Variants in CBL observed in about 807,000 individuals in gnomAD.
CBL encodes E3 ubiquitin-protein ligase CBL.
Under a neutral mutation model 96.9 loss-of-function variants are expected in CBL, and 45 were observed. That is an observed-to-expected ratio of 0.46 (90% CI 0.37 to 0.60). The LOEUF is 0.60. Ranked by LOEUF, CBL falls within the 20% of genes least tolerant of loss-of-function variation. CBL has a pLI of 0.00. For synonymous variants in CBL, 420 were observed against 426.8 expected (o/e 0.98, Z 0.20); for missense variants, 1,024 against 1,143.5 (o/e 0.90, Z 1.51).
chr11:119,291,384 CAAAA>C (rs1950025998), intron 12 of CBL, among the ~76,000 whole-genome samples: 1 of 152,038 alleles, frequency 6.6e-6, no homozygotes, highest in Non-Finnish European at 1.5e-5. Context: ...GACCCTGTCT[CAAAA>C]AAATAAAATT....
At chr11:119,209,604 G>A (rs1050642963) in intron 1 of CBL, among the ~76,000 whole-genome samples, 1 of 151,000 alleles carries the variant, frequency 6.6e-6, no homozygotes, top group Admixed American at 6.6e-5. Context: ...GCGACAGAGT[G>A]AGACTCCGTC....
chr11:119,277,612 A>ATT, intron 6 of CBL, 145 bp from the exon 7 acceptor site: 2 of 574,314 alleles, frequency 3.5e-6, no homozygotes, highest in Non-Finnish European at 6.4e-6. Flanking sequence ...TTTTGGAAGT[A>ATT]TTTTTTTTTT....
rs573306787 is a variant in CBL, at chr11:119,275,739, G to A, written c.870-258G>A. On this transcript the variant is annotated intron_variant, in intron 5 of 15. Coordinates refer to ENST00000264033, the MANE Select transcript of CBL (RefSeq NM_005188.4). ...TTAGCCAGGTGTGGTGGCACATACT[G>A]TAGTCCCAGCTACTCAGGAGGCTGA... 1.6e-3 allele frequency among the ~76,000 whole-genome samples: 242 copies of A among 152,078 alleles called. 1 individual carries two copies. Among genetic ancestry groups the A allele is most frequent in the Non-Finnish European group, 3.1e-4 (21 of 67,998 alleles).
chr11:119,245,894 A>G (rs1394188096), intron 2 of CBL, among the ~76,000 whole-genome samples: 2 of 146,752 alleles, frequency 1.4e-5, no homozygotes, highest in East Asian at 2.0e-4. Flanking sequence ...TAAATTAACT[A>G]GTCTTTGGTA....
chr11:119,276,292 TTTTG>T (rs1173463260), intron 6 of CBL, among the ~76,000 whole-genome samples, 158 bp downstream of exon 6: 1 of 152,198 alleles, frequency 6.6e-6, no homozygotes, highest in Non-Finnish European at 1.5e-5. Flanking sequence ...CCTGGAAGAC[TTTTG>T]TTTTTCTTTT....
chr11:119,279,488 C>A (rs1949916137), intron 9 of CBL, among the ~76,000 whole-genome samples: 1 of 123,708 alleles, frequency 8.1e-6, no homozygotes, highest in African/African-American at 4.0e-5. Flanking sequence ...CCCATGCCCC[C>A]CCCTAAAAAA....
intron 2 of CBL, among the ~76,000 whole-genome samples, chr11:119,238,274 A>C (rs1016036997): frequency 4.0e-5 from 6 of 150,960 alleles, no homozygotes; most frequent in African/African-American, 1.2e-4. Context: ...AGGCTGGAGT[A>C]CAGTGGCATG....
At chr11:119,240,865 G>T (rs1310476140) in intron 2 of CBL, among the ~76,000 whole-genome samples, 1 of 152,070 alleles carries the variant, frequency 6.6e-6, no homozygotes, top group Non-Finnish European at 1.5e-5. Flanking sequence ...CTGAGGTCAG[G>T]AGTTCAAGAC....
chr11:119,294,796 G>GAA (rs11415377), intron 12 of CBL, among the ~76,000 whole-genome samples: 152 of 144,068 alleles, frequency 1.1e-3, no homozygotes, highest in East Asian at 7.9e-3. Context: ...TCTCAAAAAG[G>GAA]AAAAAAAAAA....
chr11:119,274,006 C>T lies in CBL; in HGVS notation c.729C>T (p.Ile243=), dbSNP rs890444225. ...NDYISVFEFD[I]FTRLFQPWSS... is the part of the protein sequence containing the mutation. Reference sequence around the variant, plus strand: ...ATATTTCGGTTTTTGAATTTGACATCTTTACCCGACTCTTTCAGGTAGGAC... The same window carrying T: ...ATATTTCGGTTTTTGAATTTGACATTTTTACCCGACTCTTTCAGGTAGGAC... The change falls in exon 4 of 16, where the codon ATC becomes ATT. Residue 243 remains isoleucine, a synonymous_variant. Coordinates refer to ENST00000264033, the MANE Select transcript of CBL (RefSeq NM_005188.4). 12 of 1,612,196 alleles carry T rather than the reference C, an allele frequency of 7.4e-6. No homozygotes were observed. Among genetic ancestry groups the T allele is most frequent in the Non-Finnish European group, 1.0e-5 (12 of 1,179,248 alleles).
intron 1 of CBL, among the ~76,000 whole-genome samples, chr11:119,225,737 T>TTC (rs1016545925): frequency 6.8e-6 from 1 of 147,260 alleles, no homozygotes; most frequent in Admixed American, 6.7e-5. Flanking sequence ...TTTTTTTTTT[T>TTC]TTTTTTTGAG....
intron 2 of CBL, among the ~76,000 whole-genome samples, chr11:119,270,531 C>T (rs2135295799): frequency 7.3e-6 from 1 of 137,584 alleles, no homozygotes; most frequent in South Asian, 2.4e-4. Flanking sequence ...ACTGCAAGCT[C>T]CGCCTCCCGG....
rs145678003 is a variant in CBL, at chr11:119,275,386, C to T, written c.869+433C>T. Reference sequence around the variant, plus strand: ...CTGGGAGGTGGAGGTTGCAGTGAGCCGAGATCATGTCATTGCACTCTAGCC... The same window carrying T: ...CTGGGAGGTGGAGGTTGCAGTGAGCTGAGATCATGTCATTGCACTCTAGCC... On this transcript the variant is annotated intron_variant, in intron 5 of 15. Coordinates refer to ENST00000264033, the MANE Select transcript of CBL (RefSeq NM_005188.4). 2.3e-4 allele frequency among the ~76,000 whole-genome samples: 35 copies of T among 150,578 alleles called. No individual in the cohort carries two copies. In the East Asian group the frequency reaches 4.2e-3, roughly 18 times the overall value.
In CBL at chr11:119,274,910, G is replaced by A. The variant is rs755244263; in HGVS notation, c.826G>A (p.Glu276Lys). 4 of 1,613,970 alleles carry A rather than the reference G, an allele frequency of 2.5e-6. No individual in the cohort carries two copies. Among genetic ancestry groups the A allele is most frequent in the Admixed American group, 3.3e-5 (2 of 60,002 alleles). ...CTACATGGCTTTTTTGACGTATGACGAAGTGAAAGCTCGGCTCCAGAAATT... is the reference window on the plus strand; with the variant it reads ...CTACATGGCTTTTTTGACGTATGACAAAGTGAAAGCTCGGCTCCAGAAATT... Reference protein sequence around the residue: ...PGYMAFLTYDEVKARLQKFIH... With the variant: ...PGYMAFLTYDKVKARLQKFIH... Residue 276 changes from glutamate to lysine, a missense_variant, in exon 5 of 16, where the codon GAA becomes AAA. This residue lies in a region of CBL where 192 missense variants were observed against 321.8 expected (regional missense o/e 0.60). Transcript: ENST00000264033.
intron 2 of CBL, among the ~76,000 whole-genome samples, chr11:119,253,865 T>C (rs571496456): frequency 1.3e-4 from 19 of 148,900 alleles, no homozygotes; most frequent in African/African-American, 4.0e-4. Flanking sequence ...AAAACAAAAA[T>C]ATCATCAGCC....
chr11:119,260,665 T>C (rs1949747523), intron 2 of CBL, among the ~76,000 whole-genome samples: 1 of 152,162 alleles, frequency 6.6e-6, no homozygotes, highest in African/African-American at 2.4e-5. Flanking sequence ...TCTTACTCAG[T>C]CATACTCTTG....
chr11:119,254,753 C>T (rs1283184753), intron 2 of CBL, among the ~76,000 whole-genome samples: 3 of 152,086 alleles, frequency 2.0e-5, no homozygotes, highest in Non-Finnish European at 4.4e-5. Flanking sequence ...AGGTGTGCAC[C>T]ACCACGCCCA....
At chr11:119,207,816 T>G (rs1032185579) in intron 1 of CBL, among the ~76,000 whole-genome samples, 2 of 152,228 alleles carry the variant, frequency 1.3e-5, no homozygotes, top group Admixed American at 1.3e-4. Context: ...TGGTTTTCTT[T>G]GGTTCCTCCC....
Position 119,264,388 on chromosome 11 carries a change from T to TTTCTTTTCTCTTCTCTTCTCTTCTC in CBL, c.444-7343_444-7342insTTTCTCTTCTCTTCTCTTCTCTTCT, listed in dbSNP as rs1555228856. ...TCTTTTATTATGATCTTTCTTTTCT[T>TTTCTTTTCTCTTCTCTTCTCTTCTC]TTCTCTTCTCTTCTCTTCTCTTCTC... On this transcript the variant is annotated intron_variant, in intron 2 of 15. Coordinates refer to ENST00000264033, the MANE Select transcript of CBL (RefSeq NM_005188.4). Among the ~76,000 whole-genome samples the TTTCTTTTCTCTTCTCTTCTCTTCTC allele has an allele frequency of 4.5e-5, 6 of 133,776 alleles. No homozygotes were observed. The South Asian group carries it at 1.2e-3, about 26-fold the overall frequency. The allele number at this position is 133,776 out of a possible 152,430, so 87.8% of individuals were successfully genotyped here.
Sources: gnomAD v4.1 joint callset for allele counts (sites outside exome capture counted in the v4.1 genomes callset) on GRCh38, gnomAD v4.1.1 for gene constraint, gnomAD v4.1.1 regional missense constraint, MANE v1.5 for transcripts, NCBI Gene and HGNC (gene_info 2026-07-23, HGNC 2026-07-21) for gene names.